FER: variants seen among roughly 807,000 people sequenced by gnomAD.
FER encodes the protein FER tyrosine kinase.
FER carries 63 observed loss-of-function variants against 111.0 expected under a neutral mutation model. That is an observed-to-expected ratio of 0.57 (90% CI 0.46 to 0.70). FER has a LOEUF of 0.70. FER is among the 30% of genes least tolerant of loss of function. FER has a pLI of 0.00. For missense variants in FER, 914 were observed against 954.0 expected, an observed-to-expected ratio of 0.96 and a Z score of 0.55; for synonymous variants, 327 against 313.9, an observed-to-expected ratio of 1.04 and a Z score of -0.44.
At chr5:108,916,971 A>C (rs550612245) in intron 10 of FER, among the ~76,000 whole-genome samples, 1 of 152,128 alleles carries the variant, frequency 6.6e-6, no homozygotes, top group Non-Finnish European at 1.5e-5. Context: ...TATTTTGATC[A>C]GTTAGCATTT....
chr5:109,183,246 G>GGGT (rs1758467802), intron 18 of FER, among the ~76,000 whole-genome samples: 1 of 55,662 alleles, frequency 1.8e-5, no homozygotes, highest in South Asian at 7.1e-4. Context: ...AAATCCTAGC[G>GGGT]TGTTTTTTTT....
Position 108,894,361 on chromosome 5 carries a change from A to G in FER, c.1047-3298A>G, listed in dbSNP as rs964296184. 5.1e-6 allele frequency: 5 copies of G among 986,804 alleles called. No individual in the cohort carries two copies. The African/African-American group carries it at 6.9e-5, about 14-fold the overall frequency. The allele number at this position is 986,804 out of a possible 1,614,324, so 61.1% of individuals were successfully genotyped here. ...AGGAGCCATCACTGTTTCTGCTGCA[A>G]GGGTTCCTTCCTTGCTGCATCCTGT... On this transcript the variant is annotated intron_variant, in intron 9 of 19. Transcript: ENST00000281092.
At chr5:109,068,378 T>G (rs1775376931) in intron 16 of FER, among the ~76,000 whole-genome samples, 1 of 152,092 alleles carries the variant, frequency 6.6e-6, no homozygotes, top group Non-Finnish European at 1.5e-5. Flanking sequence ...GAGATGGGGT[T>G]TCACCATATT....
intron 2 of FER, among the ~76,000 whole-genome samples, chr5:108,788,116 T>C (rs1754948689): frequency 6.6e-6 from 1 of 152,174 alleles, no homozygotes; most frequent in African/African-American, 2.4e-5. Flanking sequence ...TGTAACACCC[T>C]TTTTGGGACT....
chr5:109,095,988 G>A (rs923255701), intron 16 of FER, among the ~76,000 whole-genome samples: 29 of 152,150 alleles, frequency 1.9e-4, no homozygotes, highest in African/African-American at 7.0e-4. Context: ...GATAAATTAA[G>A]ATCCCTATGA....
chr5:109,023,875 T>C (rs968352797), intron 13 of FER, among the ~76,000 whole-genome samples: 9 of 152,082 alleles, frequency 5.9e-5, no homozygotes, highest in African/African-American at 2.2e-4. Flanking sequence ...TGAGAGATGA[T>C]GGACTCCCCT....
intron 13 of FER, among the ~76,000 whole-genome samples, chr5:108,988,475 C>T (rs62377122): frequency 0.083 from 12,635 of 152,142 alleles, 715 homozygotes; most frequent in Non-Finnish European, 0.12. Flanking sequence ...TATTACTGAT[C>T]TGCTCAGAGT....
intron 3 of FER, 96 bp from the exon 4 acceptor site, chr5:108,832,674 A>T: frequency 1.2e-6 from 1 of 813,074 alleles, no homozygotes; most frequent in Non-Finnish European, 1.7e-6. Flanking sequence ...GTAATAATTT[A>T]CATAAAACTA....
intron 3 of FER, among the ~76,000 whole-genome samples, chr5:108,802,504 G>A (rs1052356102): frequency 1.2e-4 from 18 of 151,486 alleles, no homozygotes; most frequent in Non-Finnish European, 1.6e-4. Flanking sequence ...CTTTCCCCCC[G>A]TCCTTCCCTC....
chr5:109,018,059 C>T (rs1028329555), intron 13 of FER, among the ~76,000 whole-genome samples: 8 of 151,846 alleles, frequency 5.3e-5, no homozygotes, highest in African/African-American at 1.7e-4. Context: ...AACCTATTGT[C>T]TCCTGTCTGT....
Position 109,193,038 on chromosome 5 carries a change from G to A in FER, c.*5463G>A, listed in dbSNP as rs1268995922. The stretch of plus-strand genomic sequence containing the variant: ...AACAATAAATGCAATAACAATAAAG[G>A]AAACTAACCCTCACAAAGGGTTTGA... On this transcript the variant is annotated 3_prime_UTR_variant, in exon 20 of 20. Coordinates refer to ENST00000281092, the MANE Select transcript of FER (RefSeq NM_005246.4). The A allele has an allele frequency of 6.6e-6, 1 of 152,072 alleles. No individual in the cohort carries two copies. Among genetic ancestry groups the A allele is most frequent in the East Asian group, 1.9e-4 (1 of 5,190 alleles). The allele number at this position is 152,072 out of a possible 1,614,324, so 9.4% of individuals were successfully genotyped here. A position where few individuals can be genotyped will look rare whatever the true frequency, so the allele number is the denominator to read the frequency against.
intron 16 of FER, among the ~76,000 whole-genome samples, chr5:109,058,336 T>C (rs1023742790): frequency 2.0e-5 from 3 of 152,296 alleles, no homozygotes; most frequent in African/African-American, 2.4e-5. Context: ...ACTTCTCTTA[T>C]TGTACTGGGT....
chr5:108,922,171 G>A (rs1462409054), intron 10 of FER, among the ~76,000 whole-genome samples: 6 of 152,172 alleles, frequency 3.9e-5, no homozygotes, highest in Non-Finnish European at 7.3e-5. Flanking sequence ...AAATTTTGGA[G>A]GGAGCATGGC....
chr5:108,999,035 A>T (rs1013038226), intron 13 of FER, among the ~76,000 whole-genome samples: 23 of 152,032 alleles, frequency 1.5e-4, no homozygotes, highest in African/African-American at 5.3e-4. Flanking sequence ...ATATGAACTA[A>T]CTTTTAATTT....
At chr5:108,967,059 C>A (rs1759948385) in intron 13 of FER, among the ~76,000 whole-genome samples, 1 of 152,150 alleles carries the variant, frequency 6.6e-6, no homozygotes, top group South Asian at 2.1e-4. Flanking sequence ...GTGATGCCCC[C>A]ACCTAGGCCT....
chr5:109,051,002 G>C (rs550186933), intron 16 of FER, among the ~76,000 whole-genome samples: 1 of 152,098 alleles, frequency 6.6e-6, no homozygotes, highest in Non-Finnish European at 1.5e-5. Context: ...CATTCTTAGG[G>C]GTGTTTGCTG....
chr5:109,022,769 A>G (rs1212522978), intron 13 of FER, among the ~76,000 whole-genome samples: 1 of 152,120 alleles, frequency 6.6e-6, no homozygotes, highest in African/African-American at 2.4e-5. Flanking sequence ...CAGCTAGGGT[A>G]ACTATGTCAT....
At chr5:108,776,878 G>A (rs951065367) in intron 2 of FER, among the ~76,000 whole-genome samples, 6 of 152,070 alleles carry the variant, frequency 3.9e-5, no homozygotes, top group Non-Finnish European at 8.8e-5. Flanking sequence ...TACTAGTTTT[G>A]CTTTTTAAAA....
intron 3 of FER, among the ~76,000 whole-genome samples, chr5:108,813,970 A>G (rs550512391): frequency 1.2e-4 from 19 of 152,318 alleles, no homozygotes; most frequent in African/African-American, 3.6e-4. Flanking sequence ...GGCCATTTCC[A>G]TGTTAAAAAT....
Sources: allele counts gnomAD v4.1 joint callset (sites outside exome capture counted in the v4.1 genomes callset), GRCh38; gene constraint gnomAD v4.1.1; transcripts MANE v1.5; gene names NCBI Gene and HGNC (gene_info 2026-07-23, HGNC 2026-07-21).